HCN1: variants seen among roughly 807,000 people sequenced by gnomAD.
HCN1 encodes the protein hyperpolarization activated cyclic nucleotide gated potassium channel 1.
In HCN1, 13 loss-of-function variants were observed where a neutral mutation model predicts 78.9. That is an observed-to-expected ratio of 0.16 (90% CI 0.11 to 0.26). The LOEUF (loss-of-function observed/expected upper bound fraction) is 0.26, where lower values mean the gene tolerates loss of function less well. Among genes scored for constraint, HCN1 ranks in the 10% least tolerant of loss-of-function variants. The pLI is 1.00. For synonymous variants in HCN1, 552 were observed against 455.5 expected (o/e 1.21, Z -2.70); for missense variants, 810 against 1,154.3 (o/e 0.70, Z 4.32).
intron 2 of HCN1, among the ~76,000 whole-genome samples, chr5:45,531,900 C>T (rs938594494): frequency 2.0e-5 from 3 of 151,980 alleles, no homozygotes; most frequent in East Asian, 1.9e-4. Context: ...AACAGCCAGG[C>T]GAGGCAGTGT....
At chr5:45,303,438 ACT>A (rs1336517175) in intron 6 of HCN1, among the ~76,000 whole-genome samples, 159 bp downstream of exon 6, 2 of 152,126 alleles carry the variant, frequency 1.3e-5, no homozygotes, top group African/African-American at 4.8e-5. Flanking sequence ...TGAGCCTGTG[ACT>A]CTGAAATATG....
chr5:45,580,705 C>G lies in HCN1; in HGVS notation c.849+64480G>C, dbSNP rs138493289. On this transcript the variant is annotated intron_variant, in intron 2 of 7. Coordinates refer to ENST00000303230, the MANE Select transcript of HCN1 (RefSeq NM_021072.4). ...TCTCTCCCCTCCGCCCACCCCACAA[C>G]AGGCCCTGGTGTGTTATGTTCCTCT... Among the ~76,000 whole-genome samples, 156 of 152,186 alleles carry G rather than the reference C, an allele frequency of 1.0e-3. No homozygotes were observed. The Middle Eastern group carries it at 0.014, about 13-fold the overall frequency.
At chr5:45,590,387 C>G (rs2111942348) in intron 2 of HCN1, among the ~76,000 whole-genome samples, 1 of 152,298 alleles carries the variant, frequency 6.6e-6, no homozygotes, top group South Asian at 2.1e-4. Flanking sequence ...CACATAGCTT[C>G]CTCCAACATC....
At chr5:45,307,885 A>G (rs2111911484) in intron 5 of HCN1, among the ~76,000 whole-genome samples, 1 of 152,192 alleles carries the variant, frequency 6.6e-6, no homozygotes, top group South Asian at 2.1e-4. Context: ...AAAACGGGGG[A>G]AATTGGATGT....
At chr5:45,366,821 A>G (rs1416275381) in intron 4 of HCN1, among the ~76,000 whole-genome samples, 1 of 151,824 alleles carries the variant, frequency 6.6e-6, no homozygotes, top group East Asian at 1.9e-4. Flanking sequence ...CCTTCAGTAC[A>G]AATTAAAAAC....
At chr5:45,539,688 T>C (rs1028170173) in intron 2 of HCN1, among the ~76,000 whole-genome samples, 1 of 148,676 alleles carries the variant, frequency 6.7e-6, no homozygotes, top group African/African-American at 2.4e-5. Flanking sequence ...GAAAACAATA[T>C]TTTAAAAAAT....
chr5:45,564,410 A>G (rs1399229218), intron 2 of HCN1, among the ~76,000 whole-genome samples: 1 of 151,798 alleles, frequency 6.6e-6, no homozygotes, highest in Non-Finnish European at 1.5e-5. Context: ...ACCACGCCTG[A>G]CTAATTTAGT....
chr5:45,562,509 AAAAC>A (rs760794885), intron 2 of HCN1, among the ~76,000 whole-genome samples: 1 of 97,464 alleles, frequency 1.0e-5, no homozygotes, highest in African/African-American at 5.3e-5. Context: ...CCATGTCTAC[AAAAC>A]AAACAAACAA....
At chr5:45,550,509 C>T (rs1009098684) in intron 2 of HCN1, among the ~76,000 whole-genome samples, 8 of 151,714 alleles carry the variant, frequency 5.3e-5, no homozygotes, top group African/African-American at 1.2e-4. Context: ...GGTTGGGGCA[C>T]GGGGGAGGGA....
chr5:45,557,412 T>C (rs1743493163), intron 2 of HCN1, among the ~76,000 whole-genome samples: 1 of 152,132 alleles, frequency 6.6e-6, no homozygotes, highest in South Asian at 2.1e-4. Context: ...GGCAGACAAT[T>C]CAGAATAAAA....
chr5:45,342,684 C>T (rs929540532), intron 5 of HCN1, among the ~76,000 whole-genome samples: 1 of 151,940 alleles, frequency 6.6e-6, no homozygotes, highest in African/African-American at 2.4e-5. Flanking sequence ...TTTTAAAACT[C>T]TTAACTGGTA....
At chr5:45,637,541 G>A (rs1745378315) in intron 2 of HCN1, among the ~76,000 whole-genome samples, 1 of 150,802 alleles carries the variant, frequency 6.6e-6, no homozygotes, top group South Asian at 2.1e-4. Flanking sequence ...ACAAATTGAT[G>A]AATGTTACAA....
At chr5:45,369,232 T>C (rs1242269820) in intron 4 of HCN1, among the ~76,000 whole-genome samples, 1 of 152,096 alleles carries the variant, frequency 6.6e-6, no homozygotes, top group Non-Finnish European at 1.5e-5. Flanking sequence ...TTCACTTCTA[T>C]TGCTACAAAC....
intron 5 of HCN1, among the ~76,000 whole-genome samples, chr5:45,351,942 G>C (rs190000599): frequency 6.6e-6 from 1 of 152,128 alleles, no homozygotes; most frequent in African/African-American, 2.4e-5. Flanking sequence ...CTGTAAACTA[G>C]TTCAAACATT....
At chr5:45,504,894 T>C (rs1742267230) in intron 2 of HCN1, among the ~76,000 whole-genome samples, 1 of 152,238 alleles carries the variant, frequency 6.6e-6, no homozygotes, top group Non-Finnish European at 1.5e-5. Flanking sequence ...TGCATAAATG[T>C]CTTCTTTTGA....
chr5:45,301,722 T>TA (rs34604835), intron 6 of HCN1, among the ~76,000 whole-genome samples: 32,601 of 130,114 alleles, frequency 0.25, 4,365 homozygotes, highest in East Asian at 0.47. Context: ...CCCTGTCATT[T>TA]AAAAAAAAAA....
At chr5:45,303,255 G>A (rs1265510184) in intron 6 of HCN1, among the ~76,000 whole-genome samples, 2 of 152,082 alleles carry the variant, frequency 1.3e-5, no homozygotes, top group Non-Finnish European at 2.9e-5. Flanking sequence ...ATGGTGGAGA[G>A]GAATCAGCTC....
intron 2 of HCN1, among the ~76,000 whole-genome samples, chr5:45,508,859 G>A (rs1742357128): frequency 6.6e-6 from 1 of 152,054 alleles, no homozygotes; most frequent in South Asian, 2.1e-4. Context: ...TTGGCTTCCA[G>A]GTTGAAACCT....
At chr5:45,375,267 A>G (rs1377322718) in intron 4 of HCN1, among the ~76,000 whole-genome samples, 1 of 118,860 alleles carries the variant, frequency 8.4e-6, no homozygotes, top group African/African-American at 3.4e-5. Flanking sequence ...AATATTTTAT[A>G]ATATATAATA....
Sources: gnomAD v4.1 joint callset for allele counts (sites outside exome capture counted in the v4.1 genomes callset) on GRCh38, gnomAD v4.1.1 for gene constraint, MANE v1.5 for transcripts, NCBI Gene and HGNC (gene_info 2026-07-23, HGNC 2026-07-21) for gene names.